Variants in MARK3 observed in about 807,000 individuals in gnomAD.
MARK3 encodes microtubule affinity regulating kinase 3, also known as MAP/microtubule affinity-regulating kinase 3.
MARK3 carries 46 observed loss-of-function variants against 90.1 expected under a neutral mutation model. The ratio of observed to expected loss-of-function variants is 0.51; its 90% CI spans 0.40 to 0.65. MARK3 has a LOEUF of 0.65. Among genes scored for constraint, MARK3 ranks in the 30% least tolerant of loss-of-function variants. MARK3 has a pLI of 0.00. For synonymous variants in MARK3, 321 were observed against 332.6 expected, an observed-to-expected ratio of 0.97 and a Z score of 0.38; for missense variants, 818 against 947.2, an observed-to-expected ratio of 0.86 and a Z score of 1.79.
intron 3 of MARK3, among the ~76,000 whole-genome samples, chr14:103,431,968 G>A (rs1469960794): frequency 6.6e-6 from 1 of 150,670 alleles, no homozygotes; most frequent in Non-Finnish European, 1.5e-5. Flanking sequence ...TCCATACTTG[G>A]AATTGTTTCC....
intron 13 of MARK3, among the ~76,000 whole-genome samples, chr14:103,476,310 A>G (rs1193816581): frequency 6.6e-6 from 1 of 152,212 alleles, no homozygotes; most frequent in Non-Finnish European, 1.5e-5. Context: ...TGGTGTTCAC[A>G]CTGAGTCTTC....
intron 15 of MARK3, among the ~76,000 whole-genome samples, chr14:103,495,143 A>G (rs542449596): frequency 6.6e-5 from 10 of 152,310 alleles, no homozygotes; most frequent in Non-Finnish European, 1.0e-4. Context: ...AAGAAACTGA[A>G]GGTGAAGTTT....
chr14:103,399,461 G>T (rs956678191), intron 1 of MARK3, among the ~76,000 whole-genome samples: 7 of 152,070 alleles, frequency 4.6e-5, no homozygotes, highest in African/African-American at 1.7e-4. Flanking sequence ...TGTAATCCCA[G>T]CACTTTGGGA....
At chr14:103,441,147 C>T (rs1182732538) in intron 3 of MARK3, among the ~76,000 whole-genome samples, 1 of 152,062 alleles carries the variant, frequency 6.6e-6, no homozygotes, top group Non-Finnish European at 1.5e-5. Context: ...ATATGTGGCA[C>T]ACACCTTCTA....
At chr14:103,411,249 G>A (rs1312883799) in intron 2 of MARK3, among the ~76,000 whole-genome samples, 1 of 152,214 alleles carries the variant, frequency 6.6e-6, no homozygotes, top group Non-Finnish European at 1.5e-5. Flanking sequence ...ACTGCAGCCT[G>A]GGTGACAGAG....
chr14:103,409,609 C>T (rs2091518191), intron 2 of MARK3, among the ~76,000 whole-genome samples: 1 of 151,992 alleles, frequency 6.6e-6, no homozygotes, highest in African/African-American at 2.4e-5. Flanking sequence ...TCTTCAAAGA[C>T]AATCACTTTC....
At chr14:103,419,781 A>T (rs1007321512) in intron 2 of MARK3, among the ~76,000 whole-genome samples, 6 of 152,310 alleles carry the variant, frequency 3.9e-5, no homozygotes, top group Admixed American at 1.3e-4. Flanking sequence ...ACTGACAAAA[A>T]AAGTTAAAAC....
In MARK3 at chr14:103,503,018, G is replaced by A. The variant is rs75106537; in HGVS notation, c.2053G>A (p.Ala685Thr). 3.5e-5 allele frequency: 56 copies of A among 1,614,130 alleles called. No homozygotes were observed. Among genetic ancestry groups the A allele is most frequent in the East Asian group, 8.9e-5 (4 of 44,904 alleles). Residue 685 changes from alanine to threonine, a missense_variant, in exon 18 of 18, where the codon GCC becomes ACC. Physicochemically the swap from Ala to Thr is moderately conservative, Grantham distance 58. This residue lies in a region of MARK3 where 560 missense variants were observed against 613.5 expected (regional missense o/e 0.91). Coordinates refer to ENST00000429436, the MANE Select transcript of MARK3 (RefSeq NM_001128918.3). ...MMREIRKVLD[A>T]NNCDYEQRER... The stretch of plus-strand genomic sequence containing the variant: ...GCGGGAAATCCGCAAAGTGTTGGAC[G>A]CCAATAACTGCGACTATGAGCAGAG...
intron 4 of MARK3, among the ~76,000 whole-genome samples, chr14:103,451,438 T>C (rs567323941): frequency 6.6e-6 from 1 of 152,328 alleles, no homozygotes; most frequent in Non-Finnish European, 1.5e-5. Context: ...GGAACCTTGT[T>C]CTTTGAAAGT....
At chr14:103,479,593 G>T (rs1001005432) in intron 13 of MARK3, among the ~76,000 whole-genome samples, 1 of 145,498 alleles carries the variant, frequency 6.9e-6, no homozygotes. Flanking sequence ...ATGATATTGG[G>T]CATCTTTTCA....
intron 15 of MARK3, among the ~76,000 whole-genome samples, chr14:103,494,610 A>G (rs2075230522): frequency 6.6e-6 from 1 of 151,892 alleles, no homozygotes; most frequent in Non-Finnish European, 1.5e-5. Flanking sequence ...AAAAAAGGAA[A>G]CAAGATTATC....
In MARK3 at chr14:103,488,571, A is replaced by G. The variant is rs150306977; in HGVS notation, c.1587-3206A>G. Among the ~76,000 whole-genome samples, 5 of 152,304 alleles carry G rather than the reference A, an allele frequency of 3.3e-5. No homozygotes were observed. In the East Asian group the frequency reaches 9.6e-4, roughly 29 times the overall value. On this transcript the variant is annotated intron_variant, in intron 14 of 17. Transcript: ENST00000429436. Reference sequence around the variant, plus strand: ...TCTCAAACAAAAATGCAGGGACAGAACCAGGCACAGTGGCTCACAAGGCCT... The same window carrying G: ...TCTCAAACAAAAATGCAGGGACAGAGCCAGGCACAGTGGCTCACAAGGCCT...
In MARK3 at chr14:103,491,996, T is replaced by C; in HGVS notation, c.1806T>C (p.Thr602=). ...CCCAGACTCGAAGCCGAGGCTCCACTAATCTCTTTAGTAAATTAACTTCAA... is the reference window on the plus strand; with the variant it reads ...CCCAGACTCGAAGCCGAGGCTCCACCAATCTCTTTAGTAAATTAACTTCAA... The part of the protein sequence containing the change: ...PLSQTRSRGS[T]NLFSKLTSKL... The change falls in exon 15 of 18, where the codon ACT becomes ACC. Residue 602 remains threonine, a synonymous_variant. Coordinates refer to ENST00000429436, the MANE Select transcript of MARK3 (RefSeq NM_001128918.3). 6.2e-7 allele frequency: 1 copy of C among 1,614,178 alleles called. No homozygotes were observed. The highest frequency in any genetic ancestry group is 8.5e-7 in the Non-Finnish European group (1 of 1,180,022).
intron 14 of MARK3, among the ~76,000 whole-genome samples, chr14:103,481,640 CGTGTGTGT>C (rs3071411): frequency 1.3e-5 from 2 of 150,330 alleles, no homozygotes; most frequent in African/African-American, 4.9e-5. Flanking sequence ...TTTTATGACT[CGTGTGTGT>C]GTGTGTGTGT....
intron 3 of MARK3, among the ~76,000 whole-genome samples, chr14:103,445,923 C>G (rs2092983522): frequency 6.6e-6 from 1 of 152,188 alleles, no homozygotes; most frequent in Admixed American, 6.5e-5. Flanking sequence ...AATGCTGAGG[C>G]TGGCTCAGAC....
At chr14:103,464,498 C>G (rs1158707988) in intron 7 of MARK3, among the ~76,000 whole-genome samples, 1 of 151,364 alleles carries the variant, frequency 6.6e-6, no homozygotes, top group Non-Finnish European at 1.5e-5. Flanking sequence ...TGGGGCTTCA[C>G]CATGTTGGCC....
At position 103,433,088 on chromosome 14, in the gene MARK3, C is replaced by CTTTT. The variant is rs371171878; in HGVS notation, c.297+4649_297+4652dup. Reference sequence around the variant, plus strand: ...GAAGTTTTTTCTTTTCTTTTCTTTTCTTTTCTTTTTTTTTTGAGACAGAGT... The same window carrying CTTTT: ...GAAGTTTTTTCTTTTCTTTTCTTTTCTTTTTTTTCTTTTTTTTTTGAGACAGAGT... On this transcript the variant is annotated intron_variant, in intron 3 of 17. Coordinates refer to ENST00000429436, the MANE Select transcript of MARK3 (RefSeq NM_001128918.3). 9.9e-4 allele frequency among the ~76,000 whole-genome samples: 115 copies of CTTTT among 116,030 alleles called. 3 individuals are homozygous for CTTTT. The highest frequency in any genetic ancestry group is 2.2e-3 in the South Asian group (8 of 3,668). The allele number at this position is 116,030 out of a possible 152,430, so 76.1% of individuals were successfully genotyped here. A position where few individuals can be genotyped will look rare whatever the true frequency, so the allele number is the denominator to read the frequency against.
rs377523911 is a variant in MARK3 at position 103,462,475 on chromosome 14, C to T, written c.540+14C>T. On this transcript the variant is annotated intron_variant, in intron 7 of 17. Transcript: ENST00000429436. ...CGAGACCTCAAGGTGAGTAGAAGTG[C>T]CTCACTCAGTGTATGCTCTGTCTGT... is the stretch of plus-strand genomic sequence containing the variant. 18 of 1,590,308 alleles carry T rather than the reference C, an allele frequency of 1.1e-5. No homozygotes were observed. The highest frequency in any genetic ancestry group is 1.5e-5 in the Non-Finnish European group (17 of 1,160,874).
chr14:103,494,940 A>G (rs1184309567), intron 15 of MARK3, among the ~76,000 whole-genome samples: 5 of 152,224 alleles, frequency 3.3e-5, no homozygotes, highest in African/African-American at 1.2e-4. Flanking sequence ...GTAGATGTCT[A>G]TATACATAGA....
Sources: allele counts gnomAD v4.1 joint callset (sites outside exome capture counted in the v4.1 genomes callset), GRCh38; gene constraint gnomAD v4.1.1; regional missense constraint gnomAD v4.1.1; transcripts MANE v1.5; gene names NCBI Gene and HGNC (gene_info 2026-07-23, HGNC 2026-07-21).